The following THSD7B variants were observed in gnomAD, a reference collection of about 807,000 sequenced individuals.
THSD7B encodes the protein thrombospondin type-1 domain-containing protein 7B.
Under a neutral mutation model 213.6 loss-of-function variants are expected in THSD7B, and 138 were observed. The observed-to-expected ratio is 0.65, with a 90% CI of 0.56 to 0.74. The LOEUF (loss-of-function observed/expected upper bound fraction) is 0.74, where lower values mean the gene tolerates loss of function less well. Ranked by LOEUF, THSD7B falls within the 30% of genes least tolerant of loss-of-function variation. THSD7B has a pLI of 0.00. For missense variants in THSD7B, 1,931 were observed against 1,991.5 expected (o/e 0.97, Z 0.58); for synonymous variants, 742 against 687.0 (o/e 1.08, Z -1.25).
intron 14 of THSD7B, among the ~76,000 whole-genome samples, chr2:137,445,224 A>T (rs1687512113): frequency 6.6e-6 from 1 of 152,114 alleles, no homozygotes; most frequent in Admixed American, 6.6e-5. Flanking sequence ...CTAAAAATAG[A>T]ACTACCATAT....
At chr2:137,075,301 C>T (rs776891646) in intron 3 of THSD7B, among the ~76,000 whole-genome samples, 29 of 152,068 alleles carry the variant, frequency 1.9e-4, no homozygotes, top group Non-Finnish European at 4.0e-4. Flanking sequence ...ATTCTTTTTT[C>T]TCTAAACTTC....
chr2:137,587,732 G>A (rs1170453254), intron 17 of THSD7B, among the ~76,000 whole-genome samples: 3 of 152,228 alleles, frequency 2.0e-5, no homozygotes, highest in African/African-American at 4.8e-5. Context: ...CGTGTGAGGT[G>A]TCAATCTGCC....
chr2:137,452,300 G>A (rs559686100), intron 15 of THSD7B, among the ~76,000 whole-genome samples: 1 of 151,958 alleles, frequency 6.6e-6, no homozygotes, highest in Admixed American at 6.5e-5. Flanking sequence ...CAATGTAAAA[G>A]TTGGAAAAAA....
intron 1 of THSD7B, among the ~76,000 whole-genome samples, chr2:136,834,592 A>G (rs1007808411): frequency 6.6e-6 from 1 of 152,130 alleles, no homozygotes; most frequent in Non-Finnish European, 1.5e-5. Context: ...TATGCTGGAA[A>G]TGTCTAGGAC....
intron 2 of THSD7B, among the ~76,000 whole-genome samples, chr2:137,009,035 C>T (rs997415683): frequency 6.6e-6 from 1 of 152,162 alleles, no homozygotes; most frequent in Non-Finnish European, 1.5e-5. Context: ...AATTAAAAAT[C>T]ACTGGGAGTA....
chr2:137,569,815 T>A (rs906259698), intron 16 of THSD7B, among the ~76,000 whole-genome samples: 11 of 140,096 alleles, frequency 7.9e-5, no homozygotes, highest in African/African-American at 2.6e-4. Context: ...TATTATTAAT[T>A]ATTATTATTG....
intron 7 of THSD7B, among the ~76,000 whole-genome samples, chr2:137,193,106 G>A (rs1573877881): frequency 6.6e-6 from 1 of 152,096 alleles, no homozygotes; most frequent in Non-Finnish European, 1.5e-5. Flanking sequence ...GCCCTTCAGA[G>A]TCCAGCCAAT....
At chr2:137,556,641 G>A (rs1307421573) in intron 15 of THSD7B, among the ~76,000 whole-genome samples, 1 of 152,144 alleles carries the variant, frequency 6.6e-6, no homozygotes. Context: ...CAACTAATGA[G>A]CAAAATAACC....
intron 12 of THSD7B, among the ~76,000 whole-genome samples, chr2:137,401,651 T>A (rs1176578148): frequency 6.8e-6 from 1 of 146,506 alleles, no homozygotes; most frequent in East Asian, 2.0e-4. Flanking sequence ...TTTTTTTTTT[T>A]CTTCAACTCT....
chr2:136,947,353 G>A (rs549282486), intron 2 of THSD7B, among the ~76,000 whole-genome samples: 88 of 152,236 alleles, frequency 5.8e-4, no homozygotes, highest in African/African-American at 2.0e-3. Context: ...TTCTAATTAA[G>A]CATATAGCTT....
intron 12 of THSD7B, among the ~76,000 whole-genome samples, chr2:137,342,167 G>A (rs1043041239): frequency 3.4e-4 from 52 of 151,302 alleles, no homozygotes; most frequent in Non-Finnish European, 5.9e-5. Context: ...GTATATTCTT[G>A]AATGTCTTTC....
chr2:136,776,132 C>T (rs1896473), intron 1 of THSD7B, among the ~76,000 whole-genome samples: 40,713 of 151,834 alleles, frequency 0.27, 5,915 homozygotes, highest in Non-Finnish European at 0.32. Context: ...GGATGCTTCA[C>T]GGGTAATTAT....
intron 2 of THSD7B, among the ~76,000 whole-genome samples, chr2:136,930,738 A>G (rs1040483962): frequency 6.6e-6 from 1 of 152,232 alleles, no homozygotes; most frequent in African/African-American, 2.4e-5. Context: ...GTGTCTGCTC[A>G]GAGAGAAAAA....
intron 15 of THSD7B, among the ~76,000 whole-genome samples, chr2:137,551,600 C>T (rs949980788): frequency 6.6e-6 from 1 of 152,074 alleles, no homozygotes; most frequent in Non-Finnish European, 1.5e-5. Flanking sequence ...AATAAACTTC[C>T]CATTGGCTTT....
At chr2:137,222,399 G>A (rs1029803128) in intron 7 of THSD7B, among the ~76,000 whole-genome samples, 10 of 152,130 alleles carry the variant, frequency 6.6e-5, no homozygotes, top group Admixed American at 6.5e-4. Context: ...TTTTCCTTTT[G>A]AAGAAACATT....
intron 12 of THSD7B, among the ~76,000 whole-genome samples, chr2:137,287,579 CAACCTAA>C (rs1683216061): frequency 6.6e-6 from 1 of 152,030 alleles, no homozygotes; most frequent in African/African-American, 2.4e-5. Flanking sequence ...AAGAGATGAG[CAACCTAA>C]GGCAGTGATG....
chr2:137,554,713 A>T (rs1477635525), intron 15 of THSD7B, among the ~76,000 whole-genome samples: 2 of 152,112 alleles, frequency 1.3e-5, no homozygotes, highest in African/African-American at 4.8e-5. Flanking sequence ...AGTACAGTGG[A>T]TGCAGTGCAC....
chr2:137,404,500 CACACACAT>C (rs1234916244), intron 12 of THSD7B, among the ~76,000 whole-genome samples: 41 of 140,424 alleles, frequency 2.9e-4, no homozygotes, highest in Middle Eastern at 3.7e-3. Context: ...CACACACACA[CACACACAT>C]ATATGTATAT....
intron 5 of THSD7B, among the ~76,000 whole-genome samples, chr2:137,123,629 G>A (rs1314670063): frequency 1.3e-5 from 2 of 152,120 alleles, no homozygotes; most frequent in East Asian, 1.9e-4. Context: ...CAGCGATAAC[G>A]TTCAATGAAT....
Sources: allele counts gnomAD v4.1 joint callset (sites outside exome capture counted in the v4.1 genomes callset), GRCh38; gene constraint gnomAD v4.1.1; transcripts MANE v1.5; gene names NCBI Gene and HGNC (gene_info 2026-07-23, HGNC 2026-07-21).